Variants in TMEM212 observed in about 807,000 individuals in gnomAD.
TMEM212 encodes transmembrane protein 212.
A neutral mutation model predicts 20.5 loss-of-function variants in TMEM212; 23 were observed. That is an observed-to-expected ratio of 1.12 (90% CI 0.81 to 1.59). TMEM212 has a LOEUF of 1.59. TMEM212 is among the 40% of genes most tolerant of loss of function. The pLI, the probability that TMEM212 is intolerant of heterozygous loss-of-function variation, is 0.00. For missense variants in TMEM212, 211 were observed against 215.0 expected, an observed-to-expected ratio of 0.98 and a Z score of 0.12; for synonymous variants, 76 against 81.6, an observed-to-expected ratio of 0.93 and a Z score of 0.37.
At chr3:171,852,714 A>T (rs1329042946) in intron 2 of TMEM212, among the ~76,000 whole-genome samples, 1 of 152,178 alleles carries the variant, frequency 6.6e-6, no homozygotes, top group Non-Finnish European at 1.5e-5. Flanking sequence ...CTCTCCTTCT[A>T]AAAAAGGATG....
At chr3:171,849,077 C>T (rs1578515537) in intron 1 of TMEM212, among the ~76,000 whole-genome samples, 1 of 152,022 alleles carries the variant, frequency 6.6e-6, no homozygotes, top group Admixed American at 6.6e-5. Context: ...TCTTCTCTGC[C>T]AAGAACTGGC....
Position 171,852,004 on chromosome 3 carries a change from T to C in TMEM212, c.182T>C (p.Leu61Pro). Residue 61 changes from leucine (L) to proline (P), a missense_variant, in exon 2 of 5, where the codon CTA becomes CCA. Transcript: ENST00000334567. ...CAGGCCATCACAACTGGTGTGCTTC[T>C]ACTGTTGGCTTACAGAGAGTGGACC... Reference protein sequence around the residue: ...GALAITTGVLLLLAYREWTQR... With the variant: ...GALAITTGVLPLLAYREWTQR... 6.5e-7 allele frequency: 1 copy of C among 1,537,120 alleles called. No individual in the cohort carries two copies. Among genetic ancestry groups the C allele is most frequent in the Non-Finnish European group, 8.7e-7 (1 of 1,146,742 alleles).
chr3:171,853,501 A>G (rs754449653), intron 2 of TMEM212, 26 bp from the exon 3 acceptor site: 5 of 1,520,936 alleles, frequency 3.3e-6, no homozygotes, highest in Non-Finnish European at 2.6e-6. Context: ...TCCCAAAGTA[A>G]CAATTTATTT....
chr3:171,855,952 TAG>T (rs1354616351), intron 3 of TMEM212, among the ~76,000 whole-genome samples: 7 of 152,186 alleles, frequency 4.6e-5, no homozygotes, highest in Non-Finnish European at 8.8e-5. Context: ...TTTTTTCCTC[TAG>T]TTAAAAACTA....
intron 3 of TMEM212, among the ~76,000 whole-genome samples, chr3:171,854,274 T>C (rs922154956): frequency 1.3e-5 from 2 of 152,070 alleles, no homozygotes; most frequent in Non-Finnish European, 2.9e-5. Flanking sequence ...CTTATATATA[T>C]ATACCCTAAA....
chr3:171,856,042 A>G (rs1725107108), intron 3 of TMEM212, among the ~76,000 whole-genome samples: 1 of 152,232 alleles, frequency 6.6e-6, no homozygotes, highest in Non-Finnish European at 1.5e-5. Context: ...CAGTGCAACA[A>G]AAGTTAACTC....
chr3:171,856,590 G>T, intron 3 of TMEM212, 73 bp from the exon 4 acceptor site: 1 of 589,446 alleles, frequency 1.7e-6, no homozygotes, highest in Non-Finnish European at 3.1e-6. Context: ...TTTTACATGG[G>T]TGCCCCTCCC....
chr3:171,846,186 G>A (rs1213147077), intron 1 of TMEM212, among the ~76,000 whole-genome samples: 1 of 152,098 alleles, frequency 6.6e-6, no homozygotes, highest in Non-Finnish European at 1.5e-5. Flanking sequence ...TGCACTACCT[G>A]CCCTCTGCCT....
chr3:171,856,528 CA>C (rs1188342531), intron 3 of TMEM212, 134 bp from the exon 4 acceptor site: 2 of 481,264 alleles, frequency 4.2e-6, no homozygotes, highest in Non-Finnish European at 7.4e-6. Flanking sequence ...ATCCTCCCAA[CA>C]AATACACCCA....
Position 171,858,733 on chromosome 3 carries a change from A to G in TMEM212, c.*676A>G, listed in dbSNP as rs1725178149. 1 of 151,856 alleles carries G rather than the reference A, an allele frequency of 6.6e-6. No individual in the cohort carries two copies. Among genetic ancestry groups the G allele is most frequent in the Non-Finnish European group, 1.5e-5 (1 of 68,036 alleles). 9.4% of individuals were successfully genotyped at this position (151,856 alleles called of 1,614,324 possible). On this transcript the variant is annotated 3_prime_UTR_variant, in exon 5 of 5. Coordinates refer to ENST00000334567, the MANE Select transcript of TMEM212 (RefSeq NM_001164436.2). ...ACTTAAACAAATTTACAAGAAAAAA[A>G]CAAACAACCACATCAAAAAGTAGGC...
chr3:171,850,821 T>A (rs1009878944), intron 1 of TMEM212, among the ~76,000 whole-genome samples: 1 of 152,112 alleles, frequency 6.6e-6, no homozygotes, highest in Non-Finnish European at 1.5e-5. Context: ...CTCAGCTACA[T>A]GAGAAGTGTG....
Position 171,843,505 on chromosome 3 carries a change from G to C in TMEM212, c.122G>C (p.Ser41Thr). 2 of 1,536,924 alleles carry C rather than the reference G, an allele frequency of 1.3e-6. No individual in the cohort carries two copies. Among genetic ancestry groups the C allele is most frequent in the Non-Finnish European group, 1.7e-6 (2 of 1,146,720 alleles). ...TACAAGCCTTGGTTCACAGGATGGA[G>C]TGTTCGAATTGCTTGTCCTATCTGG... ...FSYKPWFTGWSVRIACPIWNG... is the reference protein window; with the variant it reads ...FSYKPWFTGWTVRIACPIWNG... Residue 41 changes from serine to threonine, a missense_variant, in exon 1 of 5, where the codon AGT (serine) becomes ACT (threonine). Transcript: ENST00000334567.
At chr3:171,851,908 CT>C (rs1182187566) in intron 1 of TMEM212, 73 bp from the exon 2 acceptor site, 2 of 1,344,134 alleles carry the variant, frequency 1.5e-6, no homozygotes, top group Non-Finnish European at 1.0e-6. Context: ...AGTTGTCAAA[CT>C]GTGAGACAGA....
chr3:171,848,607 T>TAGAATAGAATAGAATAGAATAGAAC (rs1355773701), intron 1 of TMEM212, among the ~76,000 whole-genome samples: 4 of 147,424 alleles, frequency 2.7e-5, no homozygotes, highest in Admixed American at 6.6e-5. Flanking sequence ...TAGAATAGAA[T>TAGAATAGAATAGAATAGAATAGAAC]AGAACAGAGG....
chr3:171,849,016 T>C (rs1361115267), intron 1 of TMEM212, among the ~76,000 whole-genome samples: 1 of 152,078 alleles, frequency 6.6e-6, no homozygotes, highest in Non-Finnish European at 1.5e-5. Context: ...GACTGCATTG[T>C]GAGGTCCTTC....
In TMEM212 at chr3:171,855,940, GT is replaced by G. The variant is rs934100068; in HGVS notation, c.544-716del. ...GATTTTGCTTTAAAAAAGGAAAATA[GT>G]TTTTTTCCTCTAGTTAAAAACTATT... On this transcript the variant is annotated intron_variant, in intron 3 of 4. Coordinates refer to ENST00000334567, the MANE Select transcript of TMEM212 (RefSeq NM_001164436.2). Among the ~76,000 whole-genome samples the G allele has an allele frequency of 7.9e-5, 12 of 152,130 alleles. No individual in the cohort carries two copies. The East Asian group carries it at 1.3e-3, about 17-fold the overall frequency.
chr3:171,850,820 A>C (rs2108380437), intron 1 of TMEM212, among the ~76,000 whole-genome samples: 1 of 152,258 alleles, frequency 6.6e-6, no homozygotes, highest in African/African-American at 2.4e-5. Context: ...GCTCAGCTAC[A>C]TGAGAAGTGT....
In TMEM212 at chr3:171,858,439, T is replaced by C. The variant is rs1560329149; in HGVS notation, c.*382T>C. 6.6e-6 allele frequency: 1 copy of C among 152,106 alleles called. No homozygotes were observed. Among genetic ancestry groups the C allele is most frequent in the Non-Finnish European group, 1.5e-5 (1 of 68,038 alleles). 9.4% of individuals were successfully genotyped at this position (152,106 alleles called of 1,614,324 possible). Reference sequence around the variant, plus strand: ...AATTAACTCAAGATGGATTAAAGACTTAAATGTAAGACCTAAAACCATAAA... The same window carrying C: ...AATTAACTCAAGATGGATTAAAGACCTAAATGTAAGACCTAAAACCATAAA... On this transcript the variant is annotated 3_prime_UTR_variant, in exon 5 of 5. Transcript: ENST00000334567.
chr3:171,848,607 T>TAGAATAGAAC (rs1355773701), intron 1 of TMEM212, among the ~76,000 whole-genome samples: 1 of 147,424 alleles, frequency 6.8e-6, no homozygotes, highest in Admixed American at 6.6e-5. Context: ...TAGAATAGAA[T>TAGAATAGAAC]AGAACAGAGG....
Sources: gnomAD v4.1 joint callset for allele counts (sites outside exome capture counted in the v4.1 genomes callset) on GRCh38, gnomAD v4.1.1 for gene constraint, MANE v1.5 for transcripts, NCBI Gene and HGNC (gene_info 2026-07-23, HGNC 2026-07-21) for gene names.